Variants in ZNRF1 observed in about 807,000 individuals in gnomAD.
ZNRF1 encodes zinc and ring finger 1.
In ZNRF1, 3 loss-of-function variants were observed where a neutral mutation model predicts 18.4. The observed-to-expected ratio is 0.16, with a 90% CI of 0.07 to 0.42. The LOEUF is 0.42. Ranked by LOEUF, ZNRF1 falls within the 10% of genes least tolerant of loss-of-function variation. The pLI is 0.99. For synonymous variants in ZNRF1, 157 were observed against 144.2 expected (o/e 1.09, Z -0.64); for missense variants, 310 against 329.8 (o/e 0.94, Z 0.47).
rs193271560 is a variant in ZNRF1, at chr16:75,013,471, C to G, written c.424+13376C>G. ...AAGCGATTCTTCTGCCTCAGCCTCCCGAGTAGCTGGGACTGCAGGTGCATG... is the reference window on the plus strand; with the variant it reads ...AAGCGATTCTTCTGCCTCAGCCTCCGGAGTAGCTGGGACTGCAGGTGCATG... On this transcript the variant is annotated intron_variant, in intron 1 of 4. Coordinates refer to ENST00000335325, the MANE Select transcript of ZNRF1 (RefSeq NM_032268.5). Among the ~76,000 whole-genome samples, 843 of 152,162 alleles carry G rather than the reference C, an allele frequency of 5.5e-3. 5 individuals are homozygous for G. The highest frequency in any genetic ancestry group is 0.018 in the African/African-American group (743 of 41,532).
chr16:75,104,887 A>G lies in ZNRF1; in HGVS notation c.624A>G (p.Lys208=). 1 of 1,597,758 alleles carries G rather than the reference A, an allele frequency of 6.3e-7. No homozygotes were observed. The highest frequency in any genetic ancestry group is 1.1e-5 in the South Asian group (1 of 87,648). The change falls in exon 3 of 5, where the codon AAA becomes AAG. Residue 208 remains lysine, a splice_region_variant and synonymous_variant. Coordinates refer to ENST00000335325, the MANE Select transcript of ZNRF1 (RefSeq NM_032268.5). The part of the protein sequence containing the change: ...ARLPCLCIYH[K]SCIDSWFEVN... ...TGCCCTGCCTGTGCATCTATCACAA[A>G]AGGTAGGAGGGGTTGGCAAGGTAGC...
intron 3 of ZNRF1, 158 bp downstream of exon 3, chr16:75,105,047 G>T (rs887937523): frequency 1.7e-6 from 1 of 599,656 alleles, no homozygotes; most frequent in Non-Finnish European, 3.0e-6. Flanking sequence ...GGTGTCCACT[G>T]TGCCGGCGGG....
intron 2 of ZNRF1, among the ~76,000 whole-genome samples, chr16:75,101,684 GCTTC>G (rs2036257023): frequency 6.6e-6 from 1 of 152,218 alleles, no homozygotes; most frequent in African/African-American, 2.4e-5. Flanking sequence ...ACACCAGTAT[GCTTC>G]CTTATCAGGG....
chr16:75,093,445 G>T (rs2036163972), intron 1 of ZNRF1, 127 bp from the exon 2 acceptor site: 1 of 705,842 alleles, frequency 1.4e-6, no homozygotes, highest in African/African-American at 1.8e-5. Context: ...CAGGTCCAGG[G>T]TCTGTTCTGA....
chr16:75,106,432 C>A, intron 3 of ZNRF1, 50 bp from the exon 4 acceptor site: 1 of 1,608,098 alleles, frequency 6.2e-7, no homozygotes, highest in Non-Finnish European at 8.5e-7. Context: ...CCCTTCAAAG[C>A]AGCCTGGGCA....
Position 75,020,832 on chromosome 16 carries a change from G to A in ZNRF1, c.424+20737G>A, listed in dbSNP as rs368105392. Among the ~76,000 whole-genome samples the A allele has an allele frequency of 2.0e-5, 3 of 151,810 alleles. No individual in the cohort carries two copies. In the South Asian group the frequency reaches 6.3e-4, roughly 32 times the overall value. ...GCTGGGATTACAGGCGTGAGCCACC[G>A]CGCCCGGCCCCTTCAGTCTTTTCTT... On this transcript the variant is annotated intron_variant, in intron 1 of 4. Transcript: ENST00000335325.
chr16:75,076,160 A>G (rs184546056), intron 1 of ZNRF1, among the ~76,000 whole-genome samples: 3 of 152,188 alleles, frequency 2.0e-5, no homozygotes, highest in Admixed American at 2.0e-4. Context: ...AAAGTAAATC[A>G]CAAATATTTG....
At chr16:75,054,209 G>A (rs1389402214) in intron 1 of ZNRF1, among the ~76,000 whole-genome samples, 2 of 152,236 alleles carry the variant, frequency 1.3e-5, no homozygotes, top group African/African-American at 2.4e-5. Context: ...GTCTTTCAGA[G>A]TGGGAAGGAC....
chr16:75,019,869 C>T (rs2035121806), intron 1 of ZNRF1, among the ~76,000 whole-genome samples: 1 of 152,046 alleles, frequency 6.6e-6, no homozygotes, highest in African/African-American at 2.4e-5. Flanking sequence ...GAACCACAGG[C>T]ACACACCACC....
chr16:75,070,738 C>T lies in ZNRF1; in HGVS notation c.425-22834C>T, dbSNP rs2035860561. 1.3e-5 allele frequency among the ~76,000 whole-genome samples: 2 copies of T among 152,054 alleles called. 1 individual carries two copies. Among genetic ancestry groups the T allele is most frequent in the South Asian group, 4.2e-4 (2 of 4,808 alleles). On this transcript the variant is annotated intron_variant, in intron 1 of 4. Coordinates refer to ENST00000335325, the MANE Select transcript of ZNRF1 (RefSeq NM_032268.5). ...CCTGACTTGTAACAGCGTGGACTTG[C>T]CTTGCCTGTTTTGTATCTTAAGTAG...
At chr16:75,060,873 GT>G (rs1317647558) in intron 1 of ZNRF1, among the ~76,000 whole-genome samples, 2 of 152,160 alleles carry the variant, frequency 1.3e-5, no homozygotes, top group African/African-American at 4.8e-5. Context: ...GGGTACTGGA[GT>G]TTTGTAACTT....
chr16:75,100,714 CCTT>C (rs1384655408), intron 2 of ZNRF1, among the ~76,000 whole-genome samples: 13 of 152,152 alleles, frequency 8.5e-5, no homozygotes, highest in East Asian at 3.9e-4. Context: ...AGGAAATCCT[CCTT>C]AAGTATGGAG....
At chr16:75,095,468 A>T in intron 2 of ZNRF1, 1 of 972,092 alleles carries the variant, frequency 1.0e-6, no homozygotes, top group Non-Finnish European at 1.4e-6. Context: ...CCTGCGTCTC[A>T]CAGCCCTCCC....
In ZNRF1 at chr16:75,061,940, CT is replaced by C. The variant is rs2035749531; in HGVS notation, c.425-31631del. ...GGGAGAGGTTCCCTTTCCCAAGAGC[CT>C]GCTGCCGAGACAGTAGAAGATGGTG... On this transcript the variant is annotated intron_variant, in intron 1 of 4. Coordinates refer to ENST00000335325, the MANE Select transcript of ZNRF1 (RefSeq NM_032268.5). Among the ~76,000 whole-genome samples, 3 of 152,216 alleles carry C rather than the reference CT, an allele frequency of 2.0e-5. No individual in the cohort carries two copies. In the South Asian group the frequency reaches 6.2e-4, roughly 32 times the overall value.
At chr16:75,095,850 G>A in intron 2 of ZNRF1, 1 of 1,179,530 alleles carries the variant, frequency 8.5e-7, no homozygotes, top group East Asian at 2.7e-5. Context: ...GGCGCTGTTG[G>A]TTTACCCCCC....
At chr16:75,075,765 C>T (rs1005452257) in intron 1 of ZNRF1, among the ~76,000 whole-genome samples, 1 of 152,194 alleles carries the variant, frequency 6.6e-6, no homozygotes, top group Non-Finnish European at 1.5e-5. Flanking sequence ...TCACCTTTCT[C>T]ACATGGCTGC....
intron 1 of ZNRF1, among the ~76,000 whole-genome samples, chr16:75,064,811 C>T (rs541674101): frequency 1.3e-5 from 2 of 152,314 alleles, no homozygotes; most frequent in African/African-American, 2.4e-5. Context: ...ATACTTGGCA[C>T]CCTGTGTGTC....
chr16:75,067,290 C>T (rs2035818025), intron 1 of ZNRF1, among the ~76,000 whole-genome samples: 1 of 152,228 alleles, frequency 6.6e-6, no homozygotes, highest in Admixed American at 6.5e-5. Context: ...CACACAGCAT[C>T]TGCCACATTC....
At chr16:75,050,330 A>G (rs977450514) in intron 1 of ZNRF1, among the ~76,000 whole-genome samples, 8 of 152,028 alleles carry the variant, frequency 5.3e-5, no homozygotes, top group African/African-American at 1.9e-4. Context: ...ATTCGAGACC[A>G]TACTGGGCAA....
Sources: gnomAD v4.1 joint callset for allele counts (sites outside exome capture counted in the v4.1 genomes callset) on GRCh38, gnomAD v4.1.1 for gene constraint, MANE v1.5 for transcripts, NCBI Gene and HGNC (gene_info 2026-07-23, HGNC 2026-07-21) for gene names.